Variants in SERGEF observed in about 807,000 individuals in gnomAD.
SERGEF encodes the protein secretion regulating guanine nucleotide exchange factor.
In SERGEF, 51 loss-of-function variants were observed where a neutral mutation model predicts 50.0. That is an observed-to-expected ratio of 1.02 (90% confidence interval 0.81 to 1.29). SERGEF has a LOEUF of 1.29. Among genes scored for constraint, SERGEF ranks in the 50% most tolerant of loss-of-function variants. SERGEF has a pLI of 0.00. For synonymous variants in SERGEF, 205 were observed against 212.4 expected, an observed-to-expected ratio of 0.97 and a Z score of 0.30; for missense variants, 521 against 557.0, an observed-to-expected ratio of 0.94 and a Z score of 0.65.
chr11:17,915,656 C>T, intron 9 of SERGEF, among the ~76,000 whole-genome samples: 1 of 152,198 alleles, frequency 6.6e-6, no homozygotes, highest in East Asian at 1.9e-4. Flanking sequence ...TTGCTGATGA[C>T]TCAAGCGTGG....
intron 9 of SERGEF, among the ~76,000 whole-genome samples, chr11:17,920,336 A>G (rs12286341): frequency 0.02 from 3,044 of 152,176 alleles, 121 homozygotes; most frequent in African/African-American, 0.071. Flanking sequence ...TCTTCTTTTG[A>G]TTATATTTAT....
chr11:17,827,707 T>C (rs1156236292), intron 10 of SERGEF, among the ~76,000 whole-genome samples: 1 of 152,152 alleles, frequency 6.6e-6, no homozygotes, highest in Non-Finnish European at 1.5e-5. Flanking sequence ...TCTAACTCAG[T>C]ATCACGAACT....
At chr11:17,826,748 C>T (rs1452046668) in intron 10 of SERGEF, among the ~76,000 whole-genome samples, 1 of 152,032 alleles carries the variant, frequency 6.6e-6, no homozygotes, top group African/African-American at 2.4e-5. Flanking sequence ...GTAACCAGGG[C>T]TGTGAGGAAT....
chr11:17,947,725 G>A (rs963554176), intron 9 of SERGEF, among the ~76,000 whole-genome samples: 2 of 152,104 alleles, frequency 1.3e-5, no homozygotes, highest in African/African-American at 2.4e-5. Flanking sequence ...GTTAGCTCTG[G>A]TATTTCCCAG....
rs149996488 is a variant in SERGEF, at chr11:17,857,520, T to G, written c.1048+20688A>C. Among the ~76,000 whole-genome samples, 100 of 152,320 alleles carry G rather than the reference T, an allele frequency of 6.6e-4. 2 individuals are homozygous for G. Among genetic ancestry groups the G allele is most frequent in the African/African-American group, 2.2e-3 (92 of 41,566 alleles). ...TCTGTCTAAGAGCTCCCCATATTTT[T>G]CCCCCTTCTTGCTATGTAATGCCAT... is the stretch of plus-strand genomic sequence containing the variant. On this transcript the variant is annotated intron_variant, in intron 10 of 10. Transcript: ENST00000265965.
At position 17,987,164 on chromosome 11, in the gene SERGEF, A is replaced by G. The variant is rs117663504; in HGVS notation, c.844+1433T>C. 4.6e-5 allele frequency among the ~76,000 whole-genome samples: 7 copies of G among 152,360 alleles called. No individual in the cohort carries two copies. In the East Asian group the frequency reaches 9.6e-4, roughly 21 times the overall value. ...TGGACACCAGAATCCAAAGAGACAA[A>G]GAAGCTTTCTGTTCATGAACATCTA... On this transcript the variant is annotated intron_variant, in intron 8 of 10. Transcript: ENST00000265965.
At chr11:17,986,639 T>C (rs1362503702) in intron 8 of SERGEF, among the ~76,000 whole-genome samples, 2 of 152,178 alleles carry the variant, frequency 1.3e-5, no homozygotes, top group East Asian at 3.9e-4. Flanking sequence ...AGCAACATCT[T>C]TATGTCTTTC....
At chr11:17,862,126 T>C (rs1012588529) in intron 10 of SERGEF, among the ~76,000 whole-genome samples, 5 of 152,192 alleles carry the variant, frequency 3.3e-5, no homozygotes, top group African/African-American at 1.2e-4. Context: ...GAGGCCCTCA[T>C]TTCCCCCAGT....
intron 10 of SERGEF, among the ~76,000 whole-genome samples, chr11:17,840,780 T>G (rs1265835685): frequency 6.6e-6 from 1 of 152,096 alleles, no homozygotes; most frequent in Non-Finnish European, 1.5e-5. Flanking sequence ...GATTTAGTAT[T>G]CTCTAAAATC....
At chr11:17,957,606 C>A (rs1447940391) in intron 9 of SERGEF, among the ~76,000 whole-genome samples, 3 of 152,108 alleles carry the variant, frequency 2.0e-5, no homozygotes, top group African/African-American at 7.2e-5. Context: ...CTGGTAGAGC[C>A]AACTTCTGCC....
chr11:17,895,009 C>G (rs886757537), intron 9 of SERGEF, among the ~76,000 whole-genome samples: 2 of 152,154 alleles, frequency 1.3e-5, no homozygotes, highest in African/African-American at 4.8e-5. Context: ...TTCCTGTCTC[C>G]ATTCTATCCC....
chr11:17,994,475 CAA>C (rs58280362), intron 6 of SERGEF, among the ~76,000 whole-genome samples: 1 of 63,730 alleles, frequency 1.6e-5, no homozygotes, highest in Non-Finnish European at 2.7e-5. Flanking sequence ...GACTCTGTCT[CAA>C]AAAAAAAAAA....
intron 9 of SERGEF, among the ~76,000 whole-genome samples, chr11:17,944,351 TA>T (rs1261980398): frequency 6.6e-6 from 1 of 152,124 alleles, no homozygotes; most frequent in Non-Finnish European, 1.5e-5. Flanking sequence ...CCATCAAAAC[TA>T]AAAAATAAAC....
rs1317320837 is a variant in SERGEF at position 17,991,389 on chromosome 11, C to A, written c.685+1542G>T. ...ATTAGACAAGCTCTAGGTTTACATA[C>A]CATCAGTCATTTCAAATTAATTAGA... is the stretch of plus-strand genomic sequence containing the variant. On this transcript the variant is annotated intron_variant, in intron 7 of 10. Transcript: ENST00000265965. The surrounding 1 kb of genome is among the most constrained non-coding windows in gnomAD (Gnocchi z 4.9). Among the ~76,000 whole-genome samples, 1 of 152,136 alleles carries A rather than the reference C, an allele frequency of 6.6e-6. No individual in the cohort carries two copies. The highest frequency in any genetic ancestry group is 1.5e-5 in the Non-Finnish European group (1 of 68,028).
At chr11:17,954,961 C>T (rs763797791) in intron 9 of SERGEF, among the ~76,000 whole-genome samples, 5 of 152,158 alleles carry the variant, frequency 3.3e-5, no homozygotes, top group African/African-American at 9.7e-5. Context: ...ATGCTGGGAT[C>T]GAATGAGACA....
At chr11:17,966,742 T>A (rs548699908) in intron 8 of SERGEF, among the ~76,000 whole-genome samples, 1 of 152,324 alleles carries the variant, frequency 6.6e-6, no homozygotes, top group East Asian at 1.9e-4. Flanking sequence ...GGTTTGGAAT[T>A]TTTTTAAGTT....
intron 9 of SERGEF, among the ~76,000 whole-genome samples, chr11:17,930,653 A>G (rs1852335472): frequency 6.6e-6 from 1 of 152,230 alleles, no homozygotes; most frequent in Non-Finnish European, 1.5e-5. Context: ...AAGCTTAGTT[A>G]GACCAGTGAG....
chr11:17,980,961 T>C (rs1043545506), intron 8 of SERGEF, among the ~76,000 whole-genome samples: 1 of 152,212 alleles, frequency 6.6e-6, no homozygotes, highest in African/African-American at 2.4e-5. Flanking sequence ...CCAGAGAGTT[T>C]AGTGTCTTGC....
Position 17,881,667 on chromosome 11 carries a change from C to T in SERGEF, c.1012-3423G>A, listed in dbSNP as rs552978717. On this transcript the variant is annotated intron_variant, in intron 9 of 10. Transcript: ENST00000265965. ...GTCCCAGGTCCTCCTCTTTCTGGCT[C>T]TGAGACCTAAAGGGCAAGGTATTTG... Among the ~76,000 whole-genome samples, 8 of 152,320 alleles carry T rather than the reference C, an allele frequency of 5.3e-5. No individual in the cohort carries two copies. In the East Asian group the frequency reaches 9.6e-4, roughly 18 times the overall value.
Sources: allele counts gnomAD v4.1 joint callset (sites outside exome capture counted in the v4.1 genomes callset), GRCh38; gene constraint gnomAD v4.1.1; non-coding constraint Gnocchi (gnomAD v3.1); transcripts MANE v1.5; gene names NCBI Gene and HGNC (gene_info 2026-07-23, HGNC 2026-07-21).